Variants in CUX1 observed in about 807,000 individuals in gnomAD.
CUX1 encodes the protein cut like homeobox 1, also known as protein CASP.
CUX1 carries 31 observed loss-of-function variants against 158.8 expected under a neutral mutation model. The observed-to-expected ratio is 0.20, with a 90% CI of 0.15 to 0.26. CUX1 has a LOEUF of 0.26. Among genes scored for constraint, CUX1 ranks in the 10% least tolerant of loss-of-function variants. The pLI is 1.00. For missense variants in CUX1, 1,589 were observed against 2,014.6 expected (o/e 0.79, Z 4.04); for synonymous variants, 879 against 862.1 (o/e 1.02, Z -0.34).
At chr7:102,282,828 C>T (rs1554549756) in intron 22 of CUX1, 22 of 1,360,642 alleles carry the variant, frequency 1.6e-5, no homozygotes, top group Non-Finnish European at 2.2e-5. Context: ...GCTCCCAGCA[C>T]CCCCGCAACA....
At chr7:101,978,554 C>A (rs1023183716) in intron 2 of CUX1, among the ~76,000 whole-genome samples, 1 of 152,282 alleles carries the variant, frequency 6.6e-6, no homozygotes, top group Non-Finnish European at 1.5e-5. Flanking sequence ...CTTTCCCCAG[C>A]GGCCTCAGTT....
chr7:101,864,255 G>C (rs1311160696), intron 1 of CUX1, among the ~76,000 whole-genome samples: 1 of 151,600 alleles, frequency 6.6e-6, no homozygotes, highest in Non-Finnish European at 1.5e-5. Context: ...TGACCTCCTA[G>C]GCTCAATCAA....
intron 8 of CUX1, among the ~76,000 whole-genome samples, chr7:102,150,536 G>A (rs149062675): frequency 1.3e-4 from 20 of 152,316 alleles, no homozygotes; most frequent in African/African-American, 3.8e-4. Context: ...CAACTGCCTT[G>A]TAGATATACT....
intron 20 of CUX1, among the ~76,000 whole-genome samples, chr7:102,219,391 C>T (rs1797589476): frequency 6.6e-6 from 1 of 152,110 alleles, no homozygotes; most frequent in South Asian, 2.1e-4. Context: ...CTCCCCCACA[C>T]CCCCTACAGA....
chr7:101,908,117 TA>T (rs1405457494), intron 1 of CUX1, among the ~76,000 whole-genome samples: 9 of 152,356 alleles, frequency 5.9e-5, no homozygotes, highest in African/African-American at 1.9e-4. Flanking sequence ...ACCAGTATCT[TA>T]TGTTTGTAGA....
chr7:102,016,178 G>A (rs544063845), intron 2 of CUX1, among the ~76,000 whole-genome samples: 118 of 152,132 alleles, frequency 7.8e-4, no homozygotes, highest in Non-Finnish European at 1.0e-3. Flanking sequence ...GAGCTCCAGA[G>A]CTAAAGCAGT....
chr7:101,930,988 T>G (rs1277714721), intron 2 of CUX1, among the ~76,000 whole-genome samples: 1 of 152,064 alleles, frequency 6.6e-6, no homozygotes, highest in Non-Finnish European at 1.5e-5. Flanking sequence ...TCTCAGCTAT[T>G]CAGGAGGCTG....
In CUX1 at chr7:102,252,976, C is replaced by T. The variant is rs1554540728; in HGVS notation, c.*3934C>T. On this transcript the variant is annotated 3_prime_UTR_variant, in exon 24 of 24. Transcript: ENST00000292535. ...CATGGGAGAACTCTCTGAGAAATGCCAGGATCGTGGCTCACAGGGACCCAC... is the reference window on the plus strand; with the variant it reads ...CATGGGAGAACTCTCTGAGAAATGCTAGGATCGTGGCTCACAGGGACCCAC... The T allele has an allele frequency of 1.0e-6, 1 of 985,414 alleles. No individual in the cohort carries two copies. Among genetic ancestry groups the T allele is most frequent in the Non-Finnish European group, 1.2e-6 (1 of 829,942 alleles). 61.0% of individuals were successfully genotyped at this position (985,414 alleles called of 1,614,324 possible).
At chr7:101,938,904 G>A (rs1163923444) in intron 2 of CUX1, among the ~76,000 whole-genome samples, 1 of 151,644 alleles carries the variant, frequency 6.6e-6, no homozygotes. Flanking sequence ...AGCTGGGCAT[G>A]GTGGTGTATG....
intron 1 of CUX1, among the ~76,000 whole-genome samples, chr7:101,818,510 C>T (rs545166661): frequency 1.3e-5 from 2 of 152,318 alleles, no homozygotes; most frequent in East Asian, 3.9e-4. Flanking sequence ...ATATTAGCTA[C>T]TTCTTCAGGG....
At chr7:102,051,110 C>T (rs1477830387) in intron 3 of CUX1, among the ~76,000 whole-genome samples, 1 of 152,132 alleles carries the variant, frequency 6.6e-6, no homozygotes, top group Non-Finnish European at 1.5e-5. Flanking sequence ...TGCCTGCCTC[C>T]TCACCTCACG....
At chr7:101,958,483 T>TC (rs111267391) in intron 2 of CUX1, among the ~76,000 whole-genome samples, 4,281 of 142,764 alleles carry the variant, frequency 0.03, 193 homozygotes, top group African/African-American at 0.1. Flanking sequence ...TCTTTTCTTT[T>TC]TTTTTTTTTT....
At chr7:102,099,979 A>G (rs148995630) in intron 5 of CUX1, among the ~76,000 whole-genome samples, 10 of 152,220 alleles carry the variant, frequency 6.6e-5, no homozygotes, top group South Asian at 4.2e-4. Context: ...ATAGAGCCCA[A>G]GATTTAAGAA....
At chr7:102,243,603 C>A (rs1207047681) in intron 23 of CUX1, among the ~76,000 whole-genome samples, 1 of 149,946 alleles carries the variant, frequency 6.7e-6, no homozygotes, top group Non-Finnish European at 1.5e-5. Flanking sequence ...AGTTTGAGAC[C>A]AGCCTCAGTG....
At chr7:102,013,450 T>C (rs191584927) in intron 2 of CUX1, among the ~76,000 whole-genome samples, 84 of 152,322 alleles carry the variant, frequency 5.5e-4, no homozygotes, top group African/African-American at 2.0e-3. Context: ...GAAGCCATGT[T>C]GTGTATTCAG....
At chr7:101,911,813 C>A (rs1803513652) in intron 1 of CUX1, among the ~76,000 whole-genome samples, 1 of 152,238 alleles carries the variant, frequency 6.6e-6, no homozygotes, top group South Asian at 2.1e-4. Context: ...GTAAGGTGGA[C>A]CGGGCCACAC....
At chr7:101,891,524 C>G (rs1052395970) in intron 1 of CUX1, among the ~76,000 whole-genome samples, 2 of 152,226 alleles carry the variant, frequency 1.3e-5, no homozygotes, top group Admixed American at 6.5e-5. Flanking sequence ...CACACCCAGC[C>G]AGGACTGGAT....
chr7:101,914,376 CT>C (rs1803901994), intron 1 of CUX1, among the ~76,000 whole-genome samples: 2 of 101,324 alleles, frequency 2.0e-5, no homozygotes, highest in Non-Finnish European at 2.1e-5. Flanking sequence ...CCTTCCCTCC[CT>C]CCCTCCCTCC....
intron 13 of CUX1, 129 bp downstream of exon 13, chr7:102,194,019 C>T (rs373084356): frequency 1.1e-6 from 1 of 881,894 alleles, no homozygotes; most frequent in Non-Finnish European, 1.8e-6. Context: ...AGTCATACTT[C>T]AAGAACATTT....
Sources: gnomAD v4.1 joint callset for allele counts (sites outside exome capture counted in the v4.1 genomes callset) on GRCh38, gnomAD v4.1.1 for gene constraint, MANE v1.5 for transcripts, NCBI Gene and HGNC (gene_info 2026-07-23, HGNC 2026-07-21) for gene names.